The following RRP1B variants were observed in gnomAD, a reference collection of about 807,000 sequenced individuals.
RRP1B encodes ribosomal RNA processing 1B.
Under a neutral mutation model 80.2 loss-of-function variants are expected in RRP1B, and 56 were observed. That is an observed-to-expected ratio of 0.70 (90% CI 0.56 to 0.87). RRP1B has a LOEUF of 0.87. Ranked by LOEUF, RRP1B falls within the 40% of genes least tolerant of loss-of-function variation. RRP1B has a pLI of 0.00. For synonymous variants in RRP1B, 351 were observed against 357.6 expected (o/e 0.98, Z 0.21); for missense variants, 807 against 939.8 (o/e 0.86, Z 1.85).
chr21:43,682,048 C>T (rs1429122926), intron 8 of RRP1B, among the ~76,000 whole-genome samples: 2 of 152,154 alleles, frequency 1.3e-5, no homozygotes, highest in Non-Finnish European at 2.9e-5. Context: ...GGGAAGATCA[C>T]TTGAGCCCAG....
chr21:43,672,471 G>A, intron 3 of RRP1B, 106 bp downstream of exon 3: 1 of 953,552 alleles, frequency 1.0e-6, no homozygotes, highest in Non-Finnish European at 1.7e-6. Flanking sequence ...AGCCATTCCT[G>A]TTTTTAAAAG....
intron 1 of RRP1B, among the ~76,000 whole-genome samples, chr21:43,667,216 C>CGTTTGTTTGTTT (rs543164242): frequency 1.8e-4 from 27 of 151,880 alleles, no homozygotes; most frequent in African/African-American, 6.5e-4. Context: ...TTCTTAATAT[C>CGTTTGTTTGTTT]GTTTGTTTGT....
chr21:43,673,599 A>ACTCCAGCCT (rs1377350665), intron 3 of RRP1B, among the ~76,000 whole-genome samples: 1 of 147,608 alleles, frequency 6.8e-6, no homozygotes, highest in Non-Finnish European at 1.5e-5. Flanking sequence ...ATGCCATTGC[A>ACTCCAGCCT]CTCCAGCCTG....
intron 10 of RRP1B, among the ~76,000 whole-genome samples, chr21:43,685,517 G>T (rs2083059477): frequency 6.6e-6 from 1 of 152,170 alleles, no homozygotes; most frequent in African/African-American, 2.4e-5. Context: ...TTGGCCCGCC[G>T]TGTCCTTGCT....
At chr21:43,680,824 C>T (rs1393469786) in intron 8 of RRP1B, among the ~76,000 whole-genome samples, 1 of 152,174 alleles carries the variant, frequency 6.6e-6, no homozygotes, top group East Asian at 1.9e-4. Context: ...GGATTAAAGG[C>T]ATGAGCCACC....
At chr21:43,674,586 CTTTTT>C (rs33994751) in intron 4 of RRP1B, 45 bp from the exon 5 acceptor site, 210 of 392,440 alleles carry the variant, frequency 5.4e-4, no homozygotes, top group African/African-American at 9.0e-4. Flanking sequence ...CTTACCTTTC[CTTTTT>C]TTTTTTTTTT....
chr21:43,691,232 G>A lies in RRP1B; in HGVS notation c.2020-207G>A, dbSNP rs1040946089. The stretch of plus-strand genomic sequence containing the variant: ...GGTTGCGTGTGTGGGACGCTGGGAA[G>A]GACAAAGGGCGGTCCTGGTGAAGCC... On this transcript the variant is annotated intron_variant, in intron 14 of 15. Coordinates refer to ENST00000340648, the MANE Select transcript of RRP1B (RefSeq NM_015056.3). This position sits in a 1 kb window ranked among gnomAD's most constrained non-coding sequence, Gnocchi z 4.2. 1.3e-5 allele frequency among the ~76,000 whole-genome samples: 2 copies of A among 152,208 alleles called. No individual in the cohort carries two copies. The highest frequency in any genetic ancestry group is 1.3e-4 in the Admixed American group (2 of 15,278).
chr21:43,694,379 G>C lies in RRP1B; in HGVS notation c.*996G>C, dbSNP rs943230595. On this transcript the variant is annotated 3_prime_UTR_variant, in exon 16 of 16. Transcript: ENST00000340648. ...TCTCCTGTAAGTTCATTACAAACAC[G>C]GGCGGAAGGCACTCAGGCTTTCGTT... 6.6e-6 allele frequency: 1 copy of C among 152,220 alleles called. No individual in the cohort carries two copies. The highest frequency in any genetic ancestry group is 6.5e-5 in the Admixed American group (1 of 15,288). 9.4% of individuals were successfully genotyped at this position (152,220 alleles called of 1,614,324 possible). A position where few individuals can be genotyped will look rare whatever the true frequency, so the allele number is the denominator to read the frequency against.
intron 2 of RRP1B, among the ~76,000 whole-genome samples, chr21:43,670,503 A>G (rs1443665625): frequency 6.6e-6 from 1 of 152,250 alleles, no homozygotes; most frequent in African/African-American, 2.4e-5. Context: ...ACCAAAGCCA[A>G]CACTAAAGAT....
At chr21:43,678,964 G>A (rs964735647) in intron 8 of RRP1B, among the ~76,000 whole-genome samples, 2 of 152,174 alleles carry the variant, frequency 1.3e-5, no homozygotes, top group Non-Finnish European at 2.9e-5. Flanking sequence ...TGAGGATCCA[G>A]TTTCATTCTT....
intron 6 of RRP1B, 66 bp from the exon 7 acceptor site, chr21:43,676,206 C>G (rs1475301496): frequency 8.3e-7 from 1 of 1,210,932 alleles, no homozygotes; most frequent in Non-Finnish European, 1.2e-6. Flanking sequence ...GGAATGGTCC[C>G]TTTTTCAAGG....
In RRP1B at chr21:43,668,807, G is replaced by A. The variant is rs2147162898; in HGVS notation, c.131-1077G>A. On this transcript the variant is annotated intron_variant, in intron 1 of 15. Transcript: ENST00000340648. The stretch of plus-strand genomic sequence containing the variant: ...GATCTCCTAGTAAAATCCTAATAAA[G>A]ACCATTTGTAACACACATCAAGACT... Among the ~76,000 whole-genome samples the A allele has an allele frequency of 1.3e-5, 2 of 152,250 alleles. 1 individual carries two copies. The highest frequency in any genetic ancestry group is 4.1e-4 in the South Asian group (2 of 4,834).
chr21:43,690,310 C>T lies in RRP1B; in HGVS notation c.1889C>T (p.Ser630Phe). Residue 630 changes from serine (S) to phenylalanine (F), a missense_variant, in exon 14 of 16, where the codon TCC becomes TTC. Physicochemically the swap from Ser to Phe is radical, Grantham distance 155 (BLOSUM62 -2). Coordinates refer to ENST00000340648, the MANE Select transcript of RRP1B (RefSeq NM_015056.3). ...QALGSSGTCS[S>F]LKKQKLRAES... ...TAGGGAAGCAGTGGGACTTGCAGTT[C>T]CCTGAAGAAGCAGAAGCTGAGGGCA... The T allele has an allele frequency of 6.2e-7, 1 of 1,614,204 alleles. No individual in the cohort carries two copies. Among genetic ancestry groups the T allele is most frequent in the Non-Finnish European group, 8.5e-7 (1 of 1,180,014 alleles).
chr21:43,666,154 T>C (rs2082977363), intron 1 of RRP1B, among the ~76,000 whole-genome samples: 1 of 152,238 alleles, frequency 6.6e-6, no homozygotes, highest in African/African-American at 2.4e-5. Flanking sequence ...CAGAATTCCC[T>C]TGGCCACAGG....
chr21:43,692,159 G>A (rs1275607829), intron 15 of RRP1B, among the ~76,000 whole-genome samples: 2 of 152,326 alleles, frequency 1.3e-5, no homozygotes, highest in South Asian at 2.1e-4. Flanking sequence ...ATTTGAGATC[G>A]TAGTGCTCCA....
Position 43,685,796 on chromosome 21 carries a change from C to T in RRP1B, c.1009+7C>T, listed in dbSNP as rs762442792. ...TTCCAAGACCTTTCTGAAGGTGAGG[C>T]GCGCCAAGAATCATCATTCATGGTG... is the stretch of plus-strand genomic sequence containing the variant. On this transcript the variant is annotated splice_region_variant and intron_variant, in intron 11 of 15. Transcript: ENST00000340648. 13 of 1,587,752 alleles carry T rather than the reference C, an allele frequency of 8.2e-6. No individual in the cohort carries two copies. The highest frequency in any genetic ancestry group is 4.6e-5 in the East Asian group (2 of 43,924).
At chr21:43,684,729 G>C in intron 10 of RRP1B, 79 bp downstream of exon 10, 1 of 1,150,950 alleles carries the variant, frequency 8.7e-7, no homozygotes, top group South Asian at 1.3e-5. Context: ...CCATCTGCAT[G>C]CTTATCTTTT....
intron 1 of RRP1B, among the ~76,000 whole-genome samples, chr21:43,667,794 G>A (rs1362612240): frequency 1.3e-5 from 2 of 152,200 alleles, no homozygotes; most frequent in African/African-American, 4.8e-5. Context: ...TTCATAACAA[G>A]AGGGCAAGAG....
intron 11 of RRP1B, chr21:43,685,990 G>A (rs992527122): frequency 2.6e-5 from 12 of 457,016 alleles, no homozygotes; most frequent in African/African-American, 8.2e-5. Context: ...GCGTGGTGGC[G>A]TGATCCTGTA....
Sources: gnomAD v4.1 joint callset for allele counts (sites outside exome capture counted in the v4.1 genomes callset) on GRCh38, gnomAD v4.1.1 for gene constraint, Gnocchi (gnomAD v3.1) non-coding constraint, MANE v1.5 for transcripts, NCBI Gene and HGNC (gene_info 2026-07-23, HGNC 2026-07-21) for gene names.